The following COTL1 variants were observed in gnomAD, a reference collection of about 807,000 sequenced individuals.
The protein encoded by COTL1 is coactosin like F-actin binding protein 1.
In COTL1, 15 loss-of-function variants were observed where a neutral mutation model predicts 16.5. The ratio of observed to expected loss-of-function variants is 0.91; its 90% confidence interval spans 0.61 to 1.40. The LOEUF (loss-of-function observed/expected upper bound fraction) is 1.40. Ranked by LOEUF, COTL1 falls within the 40% of genes most tolerant of loss-of-function variation. The pLI is 0.00. For synonymous variants in COTL1, 112 were observed against 85.3 expected (o/e 1.31, Z -1.73); for missense variants, 220 against 201.5 (o/e 1.09, Z -0.56).
chr16:84,586,868 G>C (rs1446683791), intron 3 of COTL1, among the ~76,000 whole-genome samples: 1 of 152,030 alleles, frequency 6.6e-6, no homozygotes, highest in East Asian at 1.9e-4. Context: ...AGGATTACAG[G>C]CATGAGCCAC....
At chr16:84,579,775 C>T (rs1174976516) in intron 3 of COTL1, among the ~76,000 whole-genome samples, 1 of 152,140 alleles carries the variant, frequency 6.6e-6, no homozygotes, top group Non-Finnish European at 1.5e-5. Context: ...TAAAGAATGA[C>T]AAGAGGTGGA....
intron 2 of COTL1, among the ~76,000 whole-genome samples, chr16:84,611,745 C>G (rs544578893): frequency 2.0e-5 from 3 of 152,300 alleles, no homozygotes; most frequent in East Asian, 3.9e-4. Flanking sequence ...ACTTGGTATT[C>G]TCTTCTTTTG....
At position 84,590,471 on chromosome 16, in the gene COTL1, G is replaced by A. The variant is rs1039548891; in HGVS notation, c.161-209C>T. The A allele has an allele frequency of 1.3e-5, 6 of 477,536 alleles. No individual in the cohort carries two copies. The highest frequency in any genetic ancestry group is 2.0e-5 in the African/African-American group (1 of 50,896). The allele number at this position is 477,536 out of a possible 1,614,324, so 29.6% of individuals were successfully genotyped here. A position where few individuals can be genotyped will look rare whatever the true frequency, so the allele number is the denominator to read the frequency against. The stretch of plus-strand genomic sequence containing the variant: ...TCCCCTGAATCCTGGCAACAGTGCT[G>A]CAGGCTTCATGCCCATTTCACAGAT... On this transcript the variant is annotated intron_variant, in intron 2 of 3. Transcript: ENST00000262428. This position sits in a 1 kb window ranked among gnomAD's most constrained non-coding sequence, Gnocchi z 5.5.
At chr16:84,609,279 C>T (rs1180886036) in intron 2 of COTL1, among the ~76,000 whole-genome samples, 2 of 152,162 alleles carry the variant, frequency 1.3e-5, no homozygotes, top group Admixed American at 6.6e-5. Context: ...TTCTTTTGGT[C>T]GCTATACTCC....
At chr16:84,607,284 A>G (rs1344588757) in intron 2 of COTL1, among the ~76,000 whole-genome samples, 1 of 152,170 alleles carries the variant, frequency 6.6e-6, no homozygotes, top group Non-Finnish European at 1.5e-5. Context: ...ACAGATGAAG[A>G]CAGTGCAGGC....
chr16:84,595,709 ATATT>A (rs1469407412), intron 2 of COTL1: 2 of 152,180 alleles, frequency 1.3e-5, no homozygotes, highest in African/African-American at 4.8e-5. Flanking sequence ...TGTCCTGTAT[ATATT>A]AGTGTGATAT....
At chr16:84,568,417 G>A (rs767861197) in intron 3 of COTL1, 6 of 152,260 alleles carry the variant, frequency 3.9e-5, no homozygotes, top group African/African-American at 1.4e-4. Context: ...CAACAGAGGA[G>A]TGGATTATCA....
In COTL1 at chr16:84,590,390, G is replaced by C. The variant is rs564338593; in HGVS notation, c.161-128C>G. Reference sequence around the variant, plus strand: ...AGCAGGAGACCGGTGCAGTTCCCTGGGAGCACCATGTGCAGAGGACAGGAG... The same window carrying C: ...AGCAGGAGACCGGTGCAGTTCCCTGCGAGCACCATGTGCAGAGGACAGGAG... On this transcript the variant is annotated intron_variant, in intron 2 of 3. Transcript: ENST00000262428. This position sits in a 1 kb window ranked among gnomAD's most constrained non-coding sequence, Gnocchi z 5.5. 263 of 1,031,488 alleles carry C rather than the reference G, an allele frequency of 2.5e-4. No homozygotes were observed. The highest frequency in any genetic ancestry group is 5.7e-4 in the Admixed American group (23 of 40,224). 63.9% of individuals were successfully genotyped at this position (1,031,488 alleles called of 1,614,324 possible).
At chr16:84,577,225 T>G (rs113947019) in intron 3 of COTL1, 2 of 144,244 alleles carry the variant, frequency 1.4e-5, no homozygotes, top group Non-Finnish European at 1.5e-5. Flanking sequence ...AATGGGTTCT[T>G]TTTTGTTTGT....
At chr16:84,571,243 C>T (rs911977299) in intron 3 of COTL1, among the ~76,000 whole-genome samples, 30 of 152,074 alleles carry the variant, frequency 2.0e-4, no homozygotes, top group Admixed American at 1.2e-3. Flanking sequence ...CCAAGGTGTA[C>T]AGCCTGGGAC....
chr16:84,571,302 C>A (rs1001923549), intron 3 of COTL1, among the ~76,000 whole-genome samples: 1 of 152,174 alleles, frequency 6.6e-6, no homozygotes, highest in Admixed American at 6.5e-5. Context: ...AAGGGATGGA[C>A]GGAGGACACT....
intron 3 of COTL1, among the ~76,000 whole-genome samples, chr16:84,585,050 G>T (rs1904685488): frequency 6.6e-6 from 1 of 152,114 alleles, no homozygotes; most frequent in Non-Finnish European, 1.5e-5. Context: ...CAAAAGAAAA[G>T]AAAAATTTCC....
chr16:84,599,681 G>C (rs1055438773), intron 2 of COTL1, among the ~76,000 whole-genome samples: 1 of 152,192 alleles, frequency 6.6e-6, no homozygotes, highest in Non-Finnish European at 1.5e-5. Flanking sequence ...AGTTGCCCCA[G>C]AGAGCGGCAA....
chr16:84,604,248 G>A (rs1905163754), intron 2 of COTL1, among the ~76,000 whole-genome samples: 1 of 23,868 alleles, frequency 4.2e-5, no homozygotes, highest in South Asian at 2.3e-3. Flanking sequence ...CCCACCCCCT[G>A]CTCCCCACCC....
At position 84,585,299 on chromosome 16, in the gene COTL1, G is replaced by A. The variant is rs192315539; in HGVS notation, c.318+4806C>T. On this transcript the variant is annotated intron_variant, in intron 3 of 3. Coordinates refer to ENST00000262428, the MANE Select transcript of COTL1 (RefSeq NM_021149.5). Reference sequence around the variant, plus strand: ...AAGCATGGGAGGCAGAGGCTGCAGTGAGCTGAGATTGTGCCACTGTACTCC... The same window carrying A: ...AAGCATGGGAGGCAGAGGCTGCAGTAAGCTGAGATTGTGCCACTGTACTCC... 5.4e-5 allele frequency among the ~76,000 whole-genome samples: 8 copies of A among 149,458 alleles called. No individual in the cohort carries two copies. In the East Asian group the frequency reaches 1.6e-3, roughly 30 times the overall value.
chr16:84,605,609 A>C lies in COTL1; in HGVS notation c.160+11892T>G, dbSNP rs527329119. Among the ~76,000 whole-genome samples, 4 of 152,374 alleles carry C rather than the reference A, an allele frequency of 2.6e-5. No homozygotes were observed. In the South Asian group the frequency reaches 8.3e-4, roughly 32 times the overall value. On this transcript the variant is annotated intron_variant, in intron 2 of 3. Transcript: ENST00000262428. ...GGGCCAGAACCAGAGAGCTGGCATC[A>C]TGAGGACTCGACCTGCCAGTACTGG...
intron 2 of COTL1, among the ~76,000 whole-genome samples, chr16:84,604,329 GCCCCCAC>G (rs1905166731): frequency 7.9e-6 from 1 of 125,972 alleles, no homozygotes; most frequent in Admixed American, 8.2e-5. Context: ...CCCTCCCACG[GCCCCCAC>G]CCCATGGCCC....
chr16:84,592,055 C>G (rs1402479091), intron 2 of COTL1, among the ~76,000 whole-genome samples: 1 of 152,152 alleles, frequency 6.6e-6, no homozygotes, highest in Admixed American at 6.5e-5. Context: ...CTGAGCAGCA[C>G]CCCTCACCTG....
Position 84,617,960 on chromosome 16 carries a change from C to T in COTL1, c.-46G>A, listed in dbSNP as rs535423165. On this transcript the variant is annotated 5_prime_UTR_variant, in exon 1 of 4. Coordinates refer to ENST00000262428, the MANE Select transcript of COTL1 (RefSeq NM_021149.5). ...ACACTGTCCGGGGCGGCCGAGCGCG[C>T]CCCTGGCCGGCGGCGGGGATGGGAG... is the stretch of plus-strand genomic sequence containing the variant. The T allele has an allele frequency of 3.2e-3, 4,469 of 1,411,654 alleles. 10 individuals carry two copies. Among genetic ancestry groups the T allele is most frequent in the Non-Finnish European group, 3.7e-3 (3,974 of 1,071,716 alleles). 87.4% of individuals were successfully genotyped at this position (1,411,654 alleles called of 1,614,324 possible). A position where few individuals can be genotyped will look rare whatever the true frequency, so the allele number is the denominator to read the frequency against.
Sources: allele counts gnomAD v4.1 joint callset (sites outside exome capture counted in the v4.1 genomes callset), GRCh38; gene constraint gnomAD v4.1.1; non-coding constraint Gnocchi (gnomAD v3.1); transcripts MANE v1.5; gene names NCBI Gene and HGNC (gene_info 2026-07-23, HGNC 2026-07-21).